FTCDNL1: variants seen among roughly 807,000 people sequenced by gnomAD.
FTCDNL1 encodes formiminotransferase N-terminal subdomain-containing protein.
FTCDNL1 carries 11 observed loss-of-function variants against 5.9 expected under a neutral mutation model. The observed-to-expected ratio is 1.87, with a 90% CI of 1.18 to 3.10. The LOEUF (loss-of-function observed/expected upper bound fraction) is 3.10. Among genes scored for constraint, FTCDNL1 ranks in the 30% most tolerant of loss-of-function variants. FTCDNL1 has a pLI of 0.00. For synonymous variants in FTCDNL1, 58 were observed against 24.8 expected (o/e 2.34, Z -3.99); for missense variants, 115 against 65.5 (o/e 1.76, Z -2.61).
intron 3 of FTCDNL1, among the ~76,000 whole-genome samples, chr2:199,822,505 C>G (rs1337317430): frequency 2.0e-5 from 3 of 152,220 alleles, no homozygotes; most frequent in Non-Finnish European, 4.4e-5. Context: ...TTGCTGCTGA[C>G]TGATCAGGCT....
In FTCDNL1 at chr2:199,760,858, T is replaced by C. The variant is rs2346586; in HGVS notation, c.212-23A>G. On this transcript the variant is annotated intron_variant, in intron 3 of 3. Transcript: ENST00000416668. ...CCACTGGGAATAAGGGAAGGAGAGA[T>C]TAGTATTTGGAAGAGAAAGAGTGGT... The C allele has an allele frequency of 0.59, 417,054 of 701,840 alleles. 131,007 individuals carry two copies. Among genetic ancestry groups the C allele is most frequent in the Non-Finnish European group, 0.66 (252,397 of 384,650 alleles). The allele number at this position is 701,840 out of a possible 1,614,324, so 43.5% of individuals were successfully genotyped here.
intron 3 of FTCDNL1, among the ~76,000 whole-genome samples, chr2:199,774,422 G>A (rs1261630127): frequency 2.6e-5 from 4 of 152,136 alleles, no homozygotes; most frequent in Admixed American, 1.3e-4. Context: ...TTCCTGGACA[G>A]ATTATGTTGG....
chr2:199,699,835 A>T, the FTCDNL1 span, among the ~76,000 whole-genome samples: 25 of 152,348 alleles, frequency 1.6e-4, no homozygotes, highest in African/African-American at 5.3e-4. Context: ...AAATGTTTTC[A>T]CTAAAATTCC....
intron 3 of FTCDNL1, among the ~76,000 whole-genome samples, chr2:199,841,514 T>C (rs949073731): frequency 1.3e-5 from 2 of 152,210 alleles, no homozygotes; most frequent in African/African-American, 4.8e-5. Context: ...AACCATCCCC[T>C]CAATATATTT....
rs1245067311 is a variant in FTCDNL1, at chr2:199,851,140, G to A, written c.-408C>T. ...CAAGTCGCCGCCGCGCGTGGCCCGCGCGCAGCCTCCGCCGCCGCGCGTGGC... is the reference window on the plus strand; with the variant it reads ...CAAGTCGCCGCCGCGCGTGGCCCGCACGCAGCCTCCGCCGCCGCGCGTGGC... On this transcript the variant is annotated 5_prime_UTR_variant, in exon 1 of 5. Transcript: ENST00000420128. The A allele has an allele frequency of 2.9e-5, 4 of 137,534 alleles. No homozygotes were observed. Among genetic ancestry groups the A allele is most frequent in the Non-Finnish European group, 6.1e-5 (4 of 65,282 alleles). The allele number at this position is 137,534 out of a possible 1,614,324, so 8.5% of individuals were successfully genotyped here. A position where few individuals can be genotyped will look rare whatever the true frequency, so the allele number is the denominator to read the frequency against.
At chr2:199,766,689 T>C (rs1013359707) in intron 3 of FTCDNL1, among the ~76,000 whole-genome samples, 5 of 152,226 alleles carry the variant, frequency 3.3e-5, no homozygotes, top group Non-Finnish European at 5.9e-5. Flanking sequence ...TTTTTTGGTT[T>C]ATGTGGCCTT....
the FTCDNL1 span, among the ~76,000 whole-genome samples, chr2:199,665,154 C>G: frequency 6.6e-6 from 1 of 152,282 alleles, no homozygotes; most frequent in South Asian, 2.1e-4. Context: ...TTGGGATACA[C>G]AGAAACCTGG....
chr2:199,697,895 T>C, the FTCDNL1 span, among the ~76,000 whole-genome samples: 1 of 152,146 alleles, frequency 6.6e-6, no homozygotes, highest in South Asian at 2.1e-4. Flanking sequence ...AATCTCACAT[T>C]CAATGACACC....
chr2:199,806,093 C>T (rs987951368), downstream of FTCDNL1, among the ~76,000 whole-genome samples: 5 of 152,142 alleles, frequency 3.3e-5, no homozygotes, highest in African/African-American at 1.2e-4. Context: ...AAAGAAGTGG[C>T]ACAGTAATCC....
chr2:199,831,982 A>C lies in FTCDNL1; in HGVS notation c.212-12225T>G, dbSNP rs902416895. On this transcript the variant is annotated intron_variant, in intron 3 of 4. Transcript: ENST00000420128. ...AAAAATAATGTGCCCTCAAACTCTT[A>C]AAATAACATACAATTTCATGGAGAT... is the stretch of plus-strand genomic sequence containing the variant. Among the ~76,000 whole-genome samples, 7 of 152,144 alleles carry C rather than the reference A, an allele frequency of 4.6e-5. 1 individual carries two copies. The highest frequency in any genetic ancestry group is 1.7e-4 in the African/African-American group (7 of 41,442).
At chr2:199,764,325 T>A (rs911062827) in intron 3 of FTCDNL1, among the ~76,000 whole-genome samples, 7 of 152,124 alleles carry the variant, frequency 4.6e-5, no homozygotes, top group Non-Finnish European at 8.8e-5. Context: ...TGAAAAAAAC[T>A]TGAGGCAGAG....
At chr2:199,707,339 A>C in the FTCDNL1 span, among the ~76,000 whole-genome samples, 1 of 151,912 alleles carries the variant, frequency 6.6e-6, no homozygotes, top group African/African-American at 2.4e-5. Flanking sequence ...TTATAAATTC[A>C]ATATTTTATA....
At chr2:199,666,857 G>C in the FTCDNL1 span, among the ~76,000 whole-genome samples, 1 of 151,456 alleles carries the variant, frequency 6.6e-6, no homozygotes, top group Non-Finnish European at 1.5e-5. Context: ...GTTGCAGTGA[G>C]TGGAGATTGC....
intron 3 of FTCDNL1, among the ~76,000 whole-genome samples, chr2:199,831,498 T>C (rs1702367938): frequency 6.6e-6 from 1 of 152,224 alleles, no homozygotes; most frequent in African/African-American, 2.4e-5. Flanking sequence ...TAGAATGAAA[T>C]AGAACTATAT....
At chr2:199,743,828 C>T in the FTCDNL1 span, among the ~76,000 whole-genome samples, 1 of 152,160 alleles carries the variant, frequency 6.6e-6, no homozygotes, top group East Asian at 1.9e-4. Flanking sequence ...GGAATTCCAA[C>T]ATGACTGGTA....
chr2:199,819,190 C>G (rs1466895391), intron 4 of FTCDNL1: 2 of 182,130 alleles, frequency 1.1e-5, no homozygotes, highest in East Asian at 1.3e-4. Flanking sequence ...AGTGATCTCT[C>G]CCTAAGTCCT....
intron 3 of FTCDNL1, among the ~76,000 whole-genome samples, chr2:199,764,630 T>TGTGAAATGCC (rs1698426452): frequency 6.6e-6 from 1 of 152,232 alleles, no homozygotes; most frequent in Non-Finnish European, 1.5e-5. Context: ...AGGACTCTTC[T>TGTGAAATGCC]GTGAAATGCC....
At chr2:199,703,433 A>C in the FTCDNL1 span, among the ~76,000 whole-genome samples, 1 of 152,152 alleles carries the variant, frequency 6.6e-6, no homozygotes. Flanking sequence ...CTTCAGTGAT[A>C]ATTTTGTTAT....
intron 3 of FTCDNL1, among the ~76,000 whole-genome samples, chr2:199,836,190 G>A (rs1171088172): frequency 6.6e-6 from 1 of 151,956 alleles, no homozygotes; most frequent in Non-Finnish European, 1.5e-5. Flanking sequence ...TTTGAGATAG[G>A]GTCTCGCTCT....
Sources: allele counts gnomAD v4.1 joint callset (sites outside exome capture counted in the v4.1 genomes callset), GRCh38; gene constraint gnomAD v4.1.1; transcripts MANE v1.5; gene names NCBI Gene and HGNC (gene_info 2026-07-23, HGNC 2026-07-21).